DCC: variants seen among roughly 807,000 people sequenced by gnomAD.
DCC encodes DCC netrin 1 receptor.
A neutral mutation model predicts 172.5 loss-of-function variants in DCC; 58 were observed. That is an observed-to-expected ratio of 0.34 (90% CI 0.27 to 0.42). The LOEUF (loss-of-function observed/expected upper bound fraction) is 0.42. Ranked by LOEUF, DCC falls within the 10% of genes least tolerant of loss-of-function variation. The pLI is 1.00. For synonymous variants in DCC, 709 were observed against 644.5 expected (o/e 1.10, Z -1.52); for missense variants, 1,740 against 1,791.0 (o/e 0.97, Z 0.51).
Position 53,047,210 on chromosome 18 carries a change from C to G in DCC, c.986-16095C>G, listed in dbSNP as rs149605621. Among the ~76,000 whole-genome samples the G allele has an allele frequency of 7.1e-3, 708 of 99,914 alleles. 11 individuals carry two copies. Among genetic ancestry groups the G allele is most frequent in the African/African-American group, 0.026 (666 of 26,040 alleles). The allele number at this position is 99,914 out of a possible 152,430, so 65.5% of individuals were successfully genotyped here. A position where few individuals can be genotyped will look rare whatever the true frequency, so the allele number is the denominator to read the frequency against. On this transcript the variant is annotated intron_variant, in intron 5 of 28. Transcript: ENST00000442544. ...GAATTCTCCTACTCCTTAAGGCTAT[C>G]CTGGTGAGCCATCCCTGCAGGTAGG...
intron 1 of DCC, among the ~76,000 whole-genome samples, chr18:52,671,172 T>C (rs764556505): frequency 2.6e-5 from 4 of 152,194 alleles, no homozygotes; most frequent in African/African-American, 9.6e-5. Flanking sequence ...TGCTTGGACC[T>C]CAAACATGAG....
At chr18:52,604,410 T>C (rs1468705771) in intron 1 of DCC, among the ~76,000 whole-genome samples, 1 of 152,154 alleles carries the variant, frequency 6.6e-6, no homozygotes, top group African/African-American at 2.4e-5. Flanking sequence ...TAGGTGGCTA[T>C]TTTTCTTCCC....
intron 15 of DCC, among the ~76,000 whole-genome samples, chr18:53,370,409 T>C (rs1437046962): frequency 6.6e-6 from 1 of 151,752 alleles, no homozygotes; most frequent in African/African-American, 2.4e-5. Context: ...TTGGGTTTCA[T>C]TGACATTCTC....
At chr18:52,590,396 T>C (rs570617443) in intron 1 of DCC, among the ~76,000 whole-genome samples, 7 of 152,324 alleles carry the variant, frequency 4.6e-5, no homozygotes, top group African/African-American at 1.7e-4. Context: ...AGCCAAAAGA[T>C]AGACACATTA....
At chr18:53,342,772 G>GAT (rs1379484861) in intron 15 of DCC, among the ~76,000 whole-genome samples, 1 of 122,772 alleles carries the variant, frequency 8.1e-6, no homozygotes, top group Non-Finnish European at 1.8e-5. Flanking sequence ...TATATATTTG[G>GAT]ATATATATAT....
At chr18:52,998,966 G>A (rs962179322) in intron 5 of DCC, among the ~76,000 whole-genome samples, 4 of 151,984 alleles carry the variant, frequency 2.6e-5, no homozygotes, top group Admixed American at 6.6e-5. Context: ...TGGCGTCATT[G>A]ACTAAAAGGG....
chr18:52,352,841 A>T (rs1158504041), intron 1 of DCC, among the ~76,000 whole-genome samples: 1 of 152,152 alleles, frequency 6.6e-6, no homozygotes, highest in Non-Finnish European at 1.5e-5. Context: ...TTTCTACTCC[A>T]AGTGTGCAGT....
At chr18:52,909,958 G>A (rs569267650) in intron 3 of DCC, among the ~76,000 whole-genome samples, 2 of 152,118 alleles carry the variant, frequency 1.3e-5, no homozygotes, top group Non-Finnish European at 2.9e-5. Flanking sequence ...CACGTGAAAA[G>A]CATAAAGAAA....
At chr18:53,309,960 G>A (rs1172881656) in intron 13 of DCC, among the ~76,000 whole-genome samples, 56 of 62,274 alleles carry the variant, frequency 9.0e-4, no homozygotes, top group East Asian at 4.3e-3. Flanking sequence ...ATATATACGT[G>A]TGTGTATATA....
intron 15 of DCC, among the ~76,000 whole-genome samples, chr18:53,349,265 A>C (rs984437530): frequency 6.6e-6 from 1 of 152,100 alleles, no homozygotes; most frequent in Admixed American, 6.6e-5. Context: ...AACAAGAGTC[A>C]CCTTTGCTCC....
intron 1 of DCC, among the ~76,000 whole-genome samples, chr18:52,595,107 C>T (rs2033879719): frequency 2.0e-5 from 3 of 152,176 alleles, no homozygotes; most frequent in Non-Finnish European, 4.4e-5. Flanking sequence ...GATCATCCTG[C>T]CAATGCCTTG....
chr18:53,435,241 G>A, intron 22 of DCC, 32 bp downstream of exon 22: 2 of 1,353,442 alleles, frequency 1.5e-6, no homozygotes, highest in Non-Finnish European at 1.1e-6. Flanking sequence ...TATTGAATTA[G>A]TTATATTAAT....
In DCC at chr18:52,967,112, C is replaced by G. The variant is rs1054875111; in HGVS notation, c.985+41742C>G. On this transcript the variant is annotated intron_variant, in intron 5 of 28. Transcript: ENST00000442544. The stretch of plus-strand genomic sequence containing the variant: ...ACATTTCCTTTTCCCAGTCCAGTAT[C>G]CCATGTTTCTGTGGGTCTTAAGCCC... Among the ~76,000 whole-genome samples the G allele has an allele frequency of 2.6e-5, 4 of 152,168 alleles. No individual in the cohort carries two copies. In the South Asian group the frequency reaches 6.2e-4, roughly 24 times the overall value.
intron 7 of DCC, among the ~76,000 whole-genome samples, chr18:53,100,950 G>C (rs1352279834): frequency 7.3e-6 from 1 of 136,936 alleles, no homozygotes; most frequent in African/African-American, 2.8e-5. Flanking sequence ...TGTAATGGGT[G>C]TCGTTACTAT....
intron 1 of DCC, among the ~76,000 whole-genome samples, chr18:52,512,437 C>T (rs952312374): frequency 1.3e-5 from 2 of 152,138 alleles, no homozygotes; most frequent in African/African-American, 4.8e-5. Context: ...TTTAACTTCT[C>T]GCCCACTGAA....
At chr18:52,571,063 T>C (rs1353107634) in intron 1 of DCC, among the ~76,000 whole-genome samples, 1 of 152,238 alleles carries the variant, frequency 6.6e-6, no homozygotes, top group East Asian at 1.9e-4. Flanking sequence ...TCTGTTTTTA[T>C]GCCACGATTA....
chr18:52,774,788 GTGTC>G (rs2037400572), intron 2 of DCC, among the ~76,000 whole-genome samples: 2 of 151,672 alleles, frequency 1.3e-5, no homozygotes, highest in South Asian at 4.1e-4. Context: ...TGAACCATGA[GTGTC>G]TGCGGCTGTC....
intron 5 of DCC, among the ~76,000 whole-genome samples, chr18:52,971,655 A>G (rs553427388): frequency 2.6e-5 from 4 of 152,158 alleles, no homozygotes; most frequent in South Asian, 2.1e-4. Context: ...GGTGGTTTTC[A>G]ATGGTTAATT....
chr18:53,503,034 AGT>A (rs2046123961), intron 27 of DCC, among the ~76,000 whole-genome samples: 1 of 151,430 alleles, frequency 6.6e-6, no homozygotes. Context: ...GACAGGCCCC[AGT>A]GTGTGCAGTG....
Sources: allele counts gnomAD v4.1 joint callset (sites outside exome capture counted in the v4.1 genomes callset), GRCh38; gene constraint gnomAD v4.1.1; transcripts MANE v1.5; gene names NCBI Gene and HGNC (gene_info 2026-07-23, HGNC 2026-07-21).